ATXN3: variants seen among roughly 807,000 people sequenced by gnomAD.
ATXN3 encodes ataxin-3.
Under a neutral mutation model 58.2 loss-of-function variants are expected in ATXN3, and 28 were observed. The observed-to-expected ratio is 0.48, with a 90% confidence interval of 0.36 to 0.66. ATXN3 has a LOEUF of 0.66. ATXN3 is among the 30% of genes least tolerant of loss of function. The pLI is 0.00. For synonymous variants in ATXN3, 113 were observed against 138.5 expected, an observed-to-expected ratio of 0.82 and a Z score of 1.29; for missense variants, 321 against 422.1, an observed-to-expected ratio of 0.76 and a Z score of 2.10.
chr14:92,071,976 C>T (rs2059528571), intron 9 of ATXN3, among the ~76,000 whole-genome samples: 1 of 152,162 alleles, frequency 6.6e-6, no homozygotes. Context: ...CAAATCTTAT[C>T]TTACTCATCT....
intron 1 of ATXN3, 134 bp downstream of exon 1, chr14:92,106,395 G>C: frequency 2.7e-6 from 3 of 1,129,628 alleles, no homozygotes; most frequent in Non-Finnish European, 2.6e-6. Context: ...GGGAGGCTGC[G>C]GCGTCGCCCC....
chr14:92,047,486 T>C (rs1276930150), intron 2 of ATXN3, among the ~76,000 whole-genome samples: 1 of 151,930 alleles, frequency 6.6e-6, no homozygotes, highest in East Asian at 1.9e-4. Flanking sequence ...GGTGATTAGG[T>C]TTTAATGGGA....
chr14:92,095,522 T>C (rs1176897176), intron 3 of ATXN3, among the ~76,000 whole-genome samples: 1 of 149,428 alleles, frequency 6.7e-6, no homozygotes, highest in Non-Finnish European at 1.5e-5. Flanking sequence ...GGATTACAGG[T>C]GTGAGCCACC....
chr14:92,106,030 A>T (rs1370803097), intron 1 of ATXN3, among the ~76,000 whole-genome samples: 1 of 152,188 alleles, frequency 6.6e-6, no homozygotes, highest in Non-Finnish European at 1.5e-5. Flanking sequence ...GGGGAAAGAC[A>T]CGAACAAGAC....
chr14:92,057,681 C>A (rs1484425975), downstream of ATXN3, among the ~76,000 whole-genome samples: 1 of 152,134 alleles, frequency 6.6e-6, no homozygotes, highest in African/African-American at 2.4e-5. Flanking sequence ...GAATAGTCAA[C>A]CCTCATAAAA....
chr14:92,085,438 C>T lies in ATXN3; in HGVS notation c.476-2180G>A, dbSNP rs182777546. 6.0e-3 allele frequency among the ~76,000 whole-genome samples: 906 copies of T among 152,206 alleles called. 7 individuals carry two copies. The highest frequency in any genetic ancestry group is 0.02 in the African/African-American group (846 of 41,514). On this transcript the variant is annotated intron_variant, in intron 6 of 10. Coordinates refer to ENST00000644486, the MANE Select transcript of ATXN3 (RefSeq NM_004993.6). ...CTCCTGACCTCAAGTGATCTGCCCC[C>T]TCATCCTCCCAAAGTGCTGGGATTG...
At chr14:92,074,325 CA>C (rs2059980554) in intron 9 of ATXN3, among the ~76,000 whole-genome samples, 1 of 152,032 alleles carries the variant, frequency 6.6e-6, no homozygotes, top group African/African-American at 2.4e-5. Context: ...GACTCCGTCT[CA>C]AAAAATAAAA....
chr14:92,102,312 A>G (rs961897346), intron 1 of ATXN3, among the ~76,000 whole-genome samples: 1 of 152,126 alleles, frequency 6.6e-6, no homozygotes, highest in Non-Finnish European at 1.5e-5. Flanking sequence ...AAAACAAAAA[A>G]AAAAATAAAA....
In ATXN3 at chr14:92,063,606, C is replaced by T. The variant is rs56396823; in HGVS notation, c.*714G>A. ...ATTTTAAAAAATGCTCATTTATTCT[C>T]AAGTACTTGTGCAAGGCTGATTTCA... On this transcript the variant is annotated 3_prime_UTR_variant, in exon 11 of 11. Transcript: ENST00000644486. The T allele has an allele frequency of 9.9e-5, 15 of 152,204 alleles. No individual in the cohort carries two copies. Among genetic ancestry groups the T allele is most frequent in the African/African-American group, 2.9e-4 (12 of 41,460 alleles). 9.4% of individuals were successfully genotyped at this position (152,204 alleles called of 1,614,324 possible).
In ATXN3 at chr14:92,093,336, C is replaced by T. The variant is rs1183894618; in HGVS notation, c.321-18G>A. The T allele has an allele frequency of 8.4e-7, 1 of 1,192,676 alleles. No individual in the cohort carries two copies. The highest frequency in any genetic ancestry group is 1.2e-6 in the Non-Finnish European group (1 of 822,130). 73.9% of individuals were successfully genotyped at this position (1,192,676 alleles called of 1,614,324 possible). A position where few individuals can be genotyped will look rare whatever the true frequency, so the allele number is the denominator to read the frequency against. On this transcript the variant is annotated intron_variant, in intron 4 of 10. Coordinates refer to ENST00000644486, the MANE Select transcript of ATXN3 (RefSeq NM_004993.6). ...TTTCATTTCTAAAAAAGAAAACAGA[C>T]AATATTAACTTGAAATATTGAATTC...
Position 92,060,645 on chromosome 14 carries a change from A to G in ATXN3, c.*3675T>C, listed in dbSNP as rs552947804. The stretch of plus-strand genomic sequence containing the variant: ...TTCTACTTAAGATTTTAAAATTATC[A>G]TATTTTGATTATGCACTGAATCTAT... On this transcript the variant is annotated 3_prime_UTR_variant, in exon 11 of 11. Transcript: ENST00000644486. 6.6e-6 allele frequency: 1 copy of G among 152,148 alleles called. No individual in the cohort carries two copies. The highest frequency in any genetic ancestry group is 2.4e-5 in the African/African-American group (1 of 41,516). 9.4% of individuals were successfully genotyped at this position (152,148 alleles called of 1,614,324 possible). A position where few individuals can be genotyped will look rare whatever the true frequency, so the allele number is the denominator to read the frequency against.
intron 6 of ATXN3, among the ~76,000 whole-genome samples, chr14:92,087,470 A>C (rs920955422): frequency 1.3e-5 from 2 of 152,180 alleles, no homozygotes; most frequent in Non-Finnish European, 2.9e-5. Flanking sequence ...TGGATGGGTG[A>C]ATGGATGGAT....
chr14:92,093,508 T>C, intron 4 of ATXN3, 190 bp from the exon 5 acceptor site: 1 of 619,742 alleles, frequency 1.6e-6, no homozygotes, highest in Non-Finnish European at 2.8e-6. Flanking sequence ...TGCCACAAGA[T>C]GGCCTCATGC....
intron 9 of ATXN3, among the ~76,000 whole-genome samples, chr14:92,075,596 GA>G (rs1256532963): frequency 2.9e-4 from 44 of 152,214 alleles, no homozygotes; most frequent in African/African-American, 1.0e-3. Flanking sequence ...CTCAAAAAGG[GA>G]AAAGAAAAAC....
intron 10 of ATXN3, among the ~76,000 whole-genome samples, chr14:92,068,330 C>A (rs2058803237): frequency 6.6e-6 from 1 of 152,104 alleles, no homozygotes. Flanking sequence ...GTGAATGGGG[C>A]CAGTTTATTC....
At chr14:92,090,163 T>C (rs1024715350) in intron 5 of ATXN3, among the ~76,000 whole-genome samples, 2 of 152,176 alleles carry the variant, frequency 1.3e-5, no homozygotes, top group Non-Finnish European at 2.9e-5. Context: ...AGTGCAGTGG[T>C]GCAATCATAG....
intron 9 of ATXN3, chr14:92,079,454 A>G (rs1186463086): frequency 1.0e-6 from 1 of 982,464 alleles, no homozygotes; most frequent in African/African-American, 1.7e-5. Flanking sequence ...TCCTTCATCT[A>G]CTTCTGAGTT....
upstream of ATXN3, among the ~76,000 whole-genome samples, chr14:92,051,442 T>C (rs1440285437): frequency 2.0e-5 from 3 of 152,112 alleles, no homozygotes; most frequent in Non-Finnish European, 4.4e-5. Flanking sequence ...CAGGACTCTG[T>C]TTTCCTGCTC....
intron 1 of ATXN3, among the ~76,000 whole-genome samples, chr14:92,103,198 T>TTTAA (rs2067269772): frequency 6.7e-6 from 1 of 149,102 alleles, no homozygotes; most frequent in Non-Finnish European, 1.5e-5. Flanking sequence ...AGTACAAAGG[T>TTTAA]TTAAGTTAGG....
Sources: gnomAD v4.1 joint callset for allele counts (sites outside exome capture counted in the v4.1 genomes callset) on GRCh38, gnomAD v4.1.1 for gene constraint, MANE v1.5 for transcripts, NCBI Gene and HGNC (gene_info 2026-07-23, HGNC 2026-07-21) for gene names.